Variants in NUP188 observed in about 807,000 individuals in gnomAD.
NUP188 encodes the protein nucleoporin NUP188.
NUP188 carries 97 observed loss-of-function variants against 223.0 expected under a neutral mutation model. The observed-to-expected ratio is 0.43, with a 90% CI of 0.37 to 0.51. NUP188 has a LOEUF of 0.51. Among genes scored for constraint, NUP188 ranks in the 20% least tolerant of loss-of-function variants. NUP188 has a pLI of 0.00. For missense variants in NUP188, 1,947 were observed against 2,175.6 expected (o/e 0.89, Z 2.09); for synonymous variants, 869 against 828.0 (o/e 1.05, Z -0.85).
intron 20 of NUP188, among the ~76,000 whole-genome samples, 157 bp from the exon 21 acceptor site, chr9:128,986,401 A>G (rs1241641000): frequency 2.0e-5 from 3 of 152,200 alleles, no homozygotes; most frequent in East Asian, 1.9e-4. Flanking sequence ...GGGCTCAACT[A>G]TAAAGTAGGA....
intron 3 of NUP188, among the ~76,000 whole-genome samples, chr9:128,954,071 C>G (rs1041023451): frequency 6.6e-6 from 1 of 152,196 alleles, no homozygotes; most frequent in Admixed American, 6.5e-5. Context: ...CTCAAGTGAT[C>G]TGCTCACCTC....
At chr9:128,966,714 A>T (rs1248098492) in intron 8 of NUP188, among the ~76,000 whole-genome samples, 1 of 152,164 alleles carries the variant, frequency 6.6e-6, no homozygotes, top group African/African-American at 2.4e-5. Context: ...TAGTCTTCTA[A>T]AATTTACTGT....
chr9:129,004,892 G>T (rs1054755658), intron 38 of NUP188: 11 of 552,210 alleles, frequency 2.0e-5, no homozygotes, highest in African/African-American at 1.9e-4. Flanking sequence ...GCTGGCCCAA[G>T]TTTGTAGCCC....
At chr9:128,960,406 C>CGATT (rs1045108960) in intron 8 of NUP188, among the ~76,000 whole-genome samples, 6 of 152,060 alleles carry the variant, frequency 3.9e-5, no homozygotes, top group Admixed American at 1.3e-4. Flanking sequence ...TTGCATCTAT[C>CGATT]GATTATAGCA....
Position 128,995,346 on chromosome 9 carries a change from T to A in NUP188, c.3183T>A (p.Asp1061Glu), listed in dbSNP as rs753836350. Reference sequence around the variant, plus strand: ...GTTCATTAGACCAGTCATTAAAGGATACACTGAAGAAATTTTCCATCGAGA... The same window carrying A: ...GTTCATTAGACCAGTCATTAAAGGAAACACTGAAGAAATTTTCCATCGAGA... ...VKGSLDQSLK[D>E]TLKKFSIEKR... Residue 1061 changes from aspartate to glutamate, a missense_variant, in exon 30 of 44, where the codon GAT (aspartate) becomes GAA (glutamate). Around this residue, in one of 3 missense-constraint regions of NUP188, gnomAD observed 905 missense variants for 990.6 expected, o/e 0.91. Coordinates refer to ENST00000372577, the MANE Select transcript of NUP188 (RefSeq NM_015354.3). The A allele has an allele frequency of 9.9e-6, 16 of 1,614,128 alleles. No homozygotes were observed. The Admixed American group carries it at 2.5e-4, about 25-fold the overall frequency.
intron 14 of NUP188, 78 bp from the exon 15 acceptor site, chr9:128,981,186 G>T: frequency 6.5e-7 from 1 of 1,538,948 alleles, no homozygotes; most frequent in Non-Finnish European, 8.8e-7. Flanking sequence ...TTGAGAGTCT[G>T]GTTGAAAGAG....
Position 128,982,662 on chromosome 9 carries a change from T to C in NUP188, c.1630T>C (p.Cys544Arg). 1 of 1,614,128 alleles carries C rather than the reference T, an allele frequency of 6.2e-7. No individual in the cohort carries two copies. The highest frequency in any genetic ancestry group is 8.5e-7 in the Non-Finnish European group (1 of 1,180,034). Residue 544 changes from cysteine to arginine, a missense_variant, in exon 16 of 44, where the codon TGC (cysteine) becomes CGC (arginine). Around this residue, in one of 3 missense-constraint regions of NUP188, gnomAD observed 817 missense variants for 865.8 expected, o/e 0.94. Coordinates refer to ENST00000372577, the MANE Select transcript of NUP188 (RefSeq NM_015354.3). ...CTATAGCAGCTGGACCCTCTTTACCTGCGAGATTGAAATGTTGCTTCATGT... is the reference window on the plus strand; with the variant it reads ...CTATAGCAGCTGGACCCTCTTTACCCGCGAGATTGAAATGTTGCTTCATGT... ...YSYSSWTLFT[C>R]EIEMLLHVVS... is the part of the protein sequence containing the mutation.
chr9:128,979,236 C>G (rs1842221393), intron 12 of NUP188, 26 bp from the exon 13 acceptor site: 1 of 1,553,576 alleles, frequency 6.4e-7, no homozygotes, highest in East Asian at 2.3e-5. Context: ...GGAAAATGAT[C>G]CATTTTTCTT....
At position 128,959,019 on chromosome 9, in the gene NUP188, A is replaced by C. The variant is rs780520316; in HGVS notation, c.470A>C (p.Glu157Ala). 2 of 1,562,698 alleles carry C rather than the reference A, an allele frequency of 1.3e-6. No individual in the cohort carries two copies. The highest frequency in any genetic ancestry group is 2.3e-5 in the East Asian group (1 of 44,094). ...FQDERHPYRV[E>A]YADCVDKLEK... Reference sequence around the variant, plus strand: ...TACTCTTTTGATTTTTTAAAGGTTGAATATGCAGACTGTGTTGATAAATTG... The same window carrying C: ...TACTCTTTTGATTTTTTAAAGGTTGCATATGCAGACTGTGTTGATAAATTG... Residue 157 changes from glutamate to alanine, a missense_variant, in exon 8 of 44, where the codon GAA (glutamate) becomes GCA (alanine). By Grantham distance (107) the Glu-to-Ala change is moderately radical (BLOSUM62 -1). Transcript: ENST00000372577.
chr9:128,957,699 C>T (rs540580634), intron 5 of NUP188, among the ~76,000 whole-genome samples: 33 of 152,136 alleles, frequency 2.2e-4, no homozygotes, highest in African/African-American at 7.2e-4. Flanking sequence ...CTCCTGACCT[C>T]GTGATCCCCC....
chr9:129,000,609 C>T (rs1015990323), intron 34 of NUP188, among the ~76,000 whole-genome samples: 3 of 152,024 alleles, frequency 2.0e-5, no homozygotes, highest in South Asian at 2.1e-4. Flanking sequence ...TGAGCCACCA[C>T]GCCTGGCCAC....
At chr9:128,976,544 G>A (rs987345470) in intron 12 of NUP188, among the ~76,000 whole-genome samples, 7 of 151,938 alleles carry the variant, frequency 4.6e-5, no homozygotes, top group African/African-American at 1.2e-4. Flanking sequence ...GGTGGCAGGC[G>A]CCTGTAATCC....
chr9:128,987,050 C>T (rs1249319713), intron 22 of NUP188, among the ~76,000 whole-genome samples, 175 bp downstream of exon 22: 1 of 125,506 alleles, frequency 8.0e-6, no homozygotes, highest in African/African-American at 3.1e-5. Context: ...TCACTGTGGA[C>T]AGAGAAGTAG....
rs1323274799 is a variant in NUP188 at position 129,001,573 on chromosome 9, A to G, written c.3888A>G (p.Val1296=). The change falls in exon 35 of 44, where the codon GTA becomes GTG. Residue 1296 remains valine (V), a synonymous_variant. Transcript: ENST00000372577. ...ACCTGGCCAAGGAGCTGTGTGAGGT[A>G]GACGAGGATGGTGACTCCTGGCTGC... ...GLHLAKELCE[V]DEDGDSWLQV... is the part of the protein sequence containing the mutation. The G allele has an allele frequency of 6.2e-7, 1 of 1,613,908 alleles. No individual in the cohort carries two copies. Among genetic ancestry groups the G allele is most frequent in the East Asian group, 2.2e-5 (1 of 44,892 alleles).
chr9:128,956,487 TG>T (rs1380387194), intron 4 of NUP188, 53 bp downstream of exon 4: 3 of 882,426 alleles, frequency 3.4e-6, no homozygotes, highest in Non-Finnish European at 5.3e-6. Flanking sequence ...TGGATGTGCG[TG>T]GTTATATTGC....
At chr9:128,961,215 A>T (rs1253017929) in intron 8 of NUP188, among the ~76,000 whole-genome samples, 1 of 151,866 alleles carries the variant, frequency 6.6e-6, no homozygotes, top group East Asian at 1.9e-4. Context: ...CTGTAATCCC[A>T]GCTACTCGGG....
chr9:129,006,788 A>AT lies in NUP188; in HGVS notation c.*110_*111insT. ...TATACAATGGAGGGCACCTCCTGTC[A>AT]CCCCCCTCCCGGAGTAGCCACGACT... is the stretch of plus-strand genomic sequence containing the variant. On this transcript the variant is annotated 3_prime_UTR_variant, in exon 44 of 44. Coordinates refer to ENST00000372577, the MANE Select transcript of NUP188 (RefSeq NM_015354.3). 8.7e-7 allele frequency: 1 copy of AT among 1,146,428 alleles called. No individual in the cohort carries two copies. The highest frequency in any genetic ancestry group is 1.7e-5 in the South Asian group (1 of 57,746). 71.0% of individuals were successfully genotyped at this position (1,146,428 alleles called of 1,614,324 possible).
chr9:128,998,157 A>G lies in NUP188; in HGVS notation c.3358A>G (p.Ile1120Val), dbSNP rs1294773362. Residue 1120 changes from isoleucine to valine, a missense_variant, in exon 31 of 44, where the codon ATA becomes GTA. This residue lies in a region of NUP188 where 905 missense variants were observed against 990.6 expected (regional missense o/e 0.91). Coordinates refer to ENST00000372577, the MANE Select transcript of NUP188 (RefSeq NM_015354.3). Reference protein sequence around the residue: ...LLIIATTHADIMHLTDSVVRR... With the variant: ...LLIIATTHADVMHLTDSVVRR... The stretch of plus-strand genomic sequence containing the variant: ...TTTTTCTGTTCCTTTGCAGGCAGAT[A>G]TAATGCACCTGACTGACTCTGTGGT... 4.3e-6 allele frequency: 7 copies of G among 1,613,560 alleles called. No homozygotes were observed. The highest frequency in any genetic ancestry group is 5.1e-6 in the Non-Finnish European group (6 of 1,179,440).
At chr9:128,996,952 T>A (rs1842537426) in intron 30 of NUP188, among the ~76,000 whole-genome samples, 1 of 152,208 alleles carries the variant, frequency 6.6e-6, no homozygotes, top group Admixed American at 6.5e-5. Context: ...ATAAGATCTT[T>A]GATCGCATAG....
Sources: gnomAD v4.1 joint callset for allele counts (sites outside exome capture counted in the v4.1 genomes callset) on GRCh38, gnomAD v4.1.1 for gene constraint, gnomAD v4.1.1 regional missense constraint, MANE v1.5 for transcripts, NCBI Gene and HGNC (gene_info 2026-07-23, HGNC 2026-07-21) for gene names.